KCNQ3: variants seen among roughly 807,000 people sequenced by gnomAD.
The protein encoded by KCNQ3 is potassium voltage-gated channel subfamily KQT member 3.
KCNQ3 carries 30 observed loss-of-function variants against 92.5 expected under a neutral mutation model. The observed-to-expected ratio is 0.32, with a 90% CI of 0.24 to 0.44. KCNQ3 has a LOEUF of 0.44. Ranked by LOEUF, KCNQ3 falls within the 20% of genes least tolerant of loss-of-function variation. KCNQ3 has a pLI of 1.00. For synonymous variants in KCNQ3, 450 were observed against 468.8 expected (o/e 0.96, Z 0.52); for missense variants, 913 against 1,140.3 (o/e 0.80, Z 2.87).
chr8:132,181,162 G>T (rs1383043066), intron 3 of KCNQ3, among the ~76,000 whole-genome samples: 2 of 152,172 alleles, frequency 1.3e-5, no homozygotes, highest in Non-Finnish European at 2.9e-5. Flanking sequence ...GGAAAAAGGG[G>T]ATGAGACACT....
chr8:132,182,164 C>T (rs897146176), intron 3 of KCNQ3, among the ~76,000 whole-genome samples: 3 of 152,138 alleles, frequency 2.0e-5, no homozygotes, highest in African/African-American at 7.2e-5. Flanking sequence ...GGTCAAACCT[C>T]TGGATACTGA....
chr8:132,316,575 G>A (rs1175239374), intron 1 of KCNQ3, among the ~76,000 whole-genome samples: 4 of 152,216 alleles, frequency 2.6e-5, no homozygotes, highest in Admixed American at 6.5e-5. Context: ...GAGTGATTGT[G>A]AAATTCTGCA....
intron 1 of KCNQ3, among the ~76,000 whole-genome samples, chr8:132,238,351 C>T (rs1171869463): frequency 6.6e-6 from 1 of 152,172 alleles, no homozygotes; most frequent in African/African-American, 2.4e-5. Context: ...ACAGATAGCA[C>T]ACCTGGTCCT....
intron 1 of KCNQ3, among the ~76,000 whole-genome samples, chr8:132,304,307 T>C (rs1817349472): frequency 6.6e-6 from 1 of 152,194 alleles, no homozygotes; most frequent in African/African-American, 2.4e-5. Context: ...CAGAAATGTT[T>C]AAAAATGCCA....
chr8:132,134,539 G>A, intron 12 of KCNQ3, 151 bp from the exon 13 acceptor site: 1 of 640,248 alleles, frequency 1.6e-6, no homozygotes, highest in Non-Finnish European at 2.8e-6. Flanking sequence ...GGAGAGGGGA[G>A]GAGAGGAGAA....
At position 132,172,679 on chromosome 8, in the gene KCNQ3, G is replaced by T; in HGVS notation, c.1059C>A (p.Ser353=). The T allele has an allele frequency of 6.2e-7, 1 of 1,613,516 alleles. No homozygotes were observed. The highest frequency in any genetic ancestry group is 8.5e-7 in the Non-Finnish European group (1 of 1,179,954). Residue 353 remains serine (S), a synonymous_variant, in exon 7 of 15, where the codon TCC becomes TCA. Coordinates refer to ENST00000388996, the MANE Select transcript of KCNQ3 (RefSeq NM_004519.4). The stretch of plus-strand genomic sequence containing the variant: ...GCTCCTGCACCTTGAGGGCCAGCCC[G>T]GACCCCAGGATGCCCTGGAGGGAGA... ...FFALPAGILG[S]GLALKVQEQH...
At chr8:132,378,025 G>GA (rs1288830570) in intron 1 of KCNQ3, among the ~76,000 whole-genome samples, 4 of 151,912 alleles carry the variant, frequency 2.6e-5, no homozygotes, top group Non-Finnish European at 5.9e-5. Flanking sequence ...TATTTTATTT[G>GA]AAAAAATGAC....
At chr8:132,323,003 T>A (rs1370872101) in intron 1 of KCNQ3, among the ~76,000 whole-genome samples, 1 of 152,148 alleles carries the variant, frequency 6.6e-6, no homozygotes, top group Non-Finnish European at 1.5e-5. Context: ...AGTGCTTATG[T>A]CTGCAAGATA....
chr8:132,383,935 T>G (rs1320896209), intron 1 of KCNQ3, among the ~76,000 whole-genome samples: 1 of 152,130 alleles, frequency 6.6e-6, no homozygotes, highest in African/African-American at 2.4e-5. Flanking sequence ...AATGAGTGAA[T>G]AGAGGAAAAG....
Position 132,125,251 on chromosome 8 carries a change from G to A in KCNQ3, c.*4011C>T, listed in dbSNP as rs1178234872. The stretch of plus-strand genomic sequence containing the variant: ...CCATTCAACCCACTCAGCCTTGACT[G>A]GGCTGATTGGATCATTGCCATTTTG... On this transcript the variant is annotated 3_prime_UTR_variant, in exon 15 of 15. Coordinates refer to ENST00000388996, the MANE Select transcript of KCNQ3 (RefSeq NM_004519.4). 2 of 152,156 alleles carry A rather than the reference G, an allele frequency of 1.3e-5. No homozygotes were observed. Among genetic ancestry groups the A allele is most frequent in the Non-Finnish European group, 2.9e-5 (2 of 68,034 alleles). The allele number at this position is 152,156 out of a possible 1,614,324, so 9.4% of individuals were successfully genotyped here.
At chr8:132,203,324 C>G (rs181495778) in intron 1 of KCNQ3, among the ~76,000 whole-genome samples, 1 of 152,248 alleles carries the variant, frequency 6.6e-6, no homozygotes, top group African/African-American at 2.4e-5. Flanking sequence ...GCAAACTTCC[C>G]TATGACCTGA....
intron 1 of KCNQ3, among the ~76,000 whole-genome samples, chr8:132,189,259 A>T (rs1827084706): frequency 6.6e-6 from 1 of 152,120 alleles, no homozygotes; most frequent in Non-Finnish European, 1.5e-5. Flanking sequence ...CCCTGACCCC[A>T]GCTGCTCTCT....
chr8:132,293,489 T>A (rs1267335422), intron 1 of KCNQ3, among the ~76,000 whole-genome samples: 1 of 145,666 alleles, frequency 6.9e-6, no homozygotes, highest in African/African-American at 2.6e-5. Flanking sequence ...GTGTTAATGA[T>A]TGTTGTGCTA....
At chr8:132,421,434 C>T (rs1820963395) in intron 1 of KCNQ3, among the ~76,000 whole-genome samples, 2 of 152,174 alleles carry the variant, frequency 1.3e-5, no homozygotes, top group Admixed American at 6.5e-5. Context: ...ACACGAGGTG[C>T]TGGCAGGAAA....
chr8:132,140,949 T>C, intron 10 of KCNQ3, 180 bp downstream of exon 10: 1 of 643,190 alleles, frequency 1.6e-6, no homozygotes, highest in Non-Finnish European at 2.8e-6. Flanking sequence ...TACATCACAA[T>C]GCCTCAGCCC....
intron 1 of KCNQ3, among the ~76,000 whole-genome samples, chr8:132,363,558 C>G: frequency 6.6e-6 from 1 of 152,002 alleles, no homozygotes; most frequent in East Asian, 1.9e-4. Flanking sequence ...TCAAGGAAGG[C>G]TCATACATGC....
intron 1 of KCNQ3, among the ~76,000 whole-genome samples, chr8:132,396,195 G>A (rs6471067): frequency 0.18 from 27,907 of 151,978 alleles, 2,750 homozygotes; most frequent in Non-Finnish European, 0.21. Flanking sequence ...TTTAGTCTCC[G>A]AAATGGCCCA....
At chr8:132,303,022 G>C (rs1817270357) in intron 1 of KCNQ3, among the ~76,000 whole-genome samples, 1 of 152,140 alleles carries the variant, frequency 6.6e-6, no homozygotes, top group African/African-American at 2.4e-5. Context: ...CAAGTCAAAG[G>C]GTAGTAGGCT....
intron 1 of KCNQ3, among the ~76,000 whole-genome samples, chr8:132,260,933 T>C (rs932400823): frequency 6.6e-6 from 1 of 152,206 alleles, no homozygotes; most frequent in Non-Finnish European, 1.5e-5. Context: ...TCTTTTATTA[T>C]TGAGATATAA....
Sources: allele counts gnomAD v4.1 joint callset (sites outside exome capture counted in the v4.1 genomes callset), GRCh38; gene constraint gnomAD v4.1.1; transcripts MANE v1.5; gene names NCBI Gene and HGNC (gene_info 2026-07-23, HGNC 2026-07-21).